Variants in PDE4D observed in about 807,000 individuals in gnomAD.
PDE4D encodes the protein 3',5'-cyclic-AMP phosphodiesterase 4D.
A neutral mutation model predicts 87.4 loss-of-function variants in PDE4D; 24 were observed. The observed-to-expected ratio is 0.27, with a 90% CI of 0.20 to 0.39. The LOEUF is 0.39. PDE4D is among the 10% of genes least tolerant of loss of function. The probability of loss-of-function intolerance (pLI) is 1.00; values close to 1 mark genes in which losing one functional copy is unlikely to be tolerated. For missense variants in PDE4D, 714 were observed against 1,041.0 expected, an observed-to-expected ratio of 0.69 and a Z score of 4.32; for synonymous variants, 384 against 383.2, an observed-to-expected ratio of 1.00 and a Z score of -0.02.
At chr5:60,317,170 T>C (rs537891577) in intron 1 of PDE4D, among the ~76,000 whole-genome samples, 1 of 152,296 alleles carries the variant, frequency 6.6e-6, no homozygotes, top group South Asian at 2.1e-4. Flanking sequence ...TCAGAGTCTG[T>C]TTTTGGTCTA....
chr5:59,514,240 G>A (rs1582934048), intron 1 of PDE4D, among the ~76,000 whole-genome samples: 1 of 151,946 alleles, frequency 6.6e-6, no homozygotes, highest in East Asian at 1.9e-4. Context: ...CGAGTAGCTG[G>A]GACTACAGGC....
chr5:60,512,378 A>G (rs1334766203), intron 1 of PDE4D, among the ~76,000 whole-genome samples: 2 of 152,208 alleles, frequency 1.3e-5, no homozygotes, highest in Admixed American at 1.3e-4. Context: ...CTTAGTCTAT[A>G]TGTAAAACAA....
intron 3 of PDE4D, among the ~76,000 whole-genome samples, chr5:59,953,745 C>T (rs1159377301): frequency 6.6e-6 from 1 of 152,108 alleles, no homozygotes; most frequent in Non-Finnish European, 1.5e-5. Flanking sequence ...ATAAATATGA[C>T]TAAAAAGTAG....
intron 1 of PDE4D, among the ~76,000 whole-genome samples, chr5:59,788,995 C>T (rs1330260512): frequency 6.6e-6 from 1 of 152,192 alleles, no homozygotes; most frequent in Non-Finnish European, 1.5e-5. Context: ...TCTTTAACTT[C>T]AACAGTACAA....
chr5:59,156,331 A>ATATGTGTG (rs1384479557), intron 5 of PDE4D, among the ~76,000 whole-genome samples: 4 of 122,756 alleles, frequency 3.3e-5, no homozygotes, highest in African/African-American at 1.3e-4. Flanking sequence ...ATATATATAT[A>ATATGTGTG]TGTGTGTGTG....
chr5:59,638,531 G>C (rs938403576), intron 1 of PDE4D, among the ~76,000 whole-genome samples: 7 of 152,136 alleles, frequency 4.6e-5, no homozygotes, highest in African/African-American at 1.7e-4. Flanking sequence ...ACATGTTTGA[G>C]AACAAGTAAC....
chr5:59,275,592 G>A (rs1764649868), intron 1 of PDE4D: 1 of 1,366,364 alleles, frequency 7.3e-7, no homozygotes, highest in Non-Finnish European at 9.4e-7. Context: ...ACGCAGGAGC[G>A]CTTTCTTCCT....
At chr5:59,188,565 AAAAT>A (rs1464792537) in intron 3 of PDE4D, among the ~76,000 whole-genome samples, 2 of 152,168 alleles carry the variant, frequency 1.3e-5, no homozygotes, top group African/African-American at 2.4e-5. Context: ...AAAAAAGAGG[AAAAT>A]AAATGGTTTC....
At chr5:59,990,467 A>C (rs565810435) in intron 2 of PDE4D, among the ~76,000 whole-genome samples, 2 of 152,262 alleles carry the variant, frequency 1.3e-5, no homozygotes, top group Admixed American at 6.5e-5. Context: ...GGTGGACTCT[A>C]TCCAACCTTG....
At chr5:59,411,851 AT>A (rs1792742286) in intron 1 of PDE4D, among the ~76,000 whole-genome samples, 1 of 152,250 alleles carries the variant, frequency 6.6e-6, no homozygotes, top group South Asian at 2.1e-4. Context: ...CGCCAAATGT[AT>A]TGCAAGTATT....
chr5:60,480,272 A>G (rs1034220879), intron 1 of PDE4D, among the ~76,000 whole-genome samples: 15 of 152,318 alleles, frequency 9.8e-5, no homozygotes, highest in Non-Finnish European at 4.4e-5. Context: ...CTATCTAGAA[A>G]ATATATTTTG....
intron 1 of PDE4D, among the ~76,000 whole-genome samples, chr5:59,310,922 G>T (rs778448702): frequency 1.3e-5 from 2 of 152,122 alleles, no homozygotes; most frequent in African/African-American, 4.8e-5. Flanking sequence ...TACAGCTGCT[G>T]GCTAGGGATA....
chr5:59,736,434 T>A (rs1265059116), intron 1 of PDE4D, among the ~76,000 whole-genome samples: 3 of 152,136 alleles, frequency 2.0e-5, no homozygotes, highest in African/African-American at 7.2e-5. Context: ...ATCCCAGCAC[T>A]TTGGGAGGCT....
rs1744316181 is a variant in PDE4D, at chr5:60,220,112, G to A, written c.-89-34425C>T. Among the ~76,000 whole-genome samples the A allele has an allele frequency of 2.0e-5, 3 of 152,140 alleles. No individual in the cohort carries two copies. The South Asian group carries it at 6.2e-4, about 32-fold the overall frequency. ...TGCTTCAGGCCTATGTCCTGGGGGT[G>A]TGGAGAAAAAACTCCCAGGTCTCCA... On this transcript the variant is annotated intron_variant, in intron 1 of 16. Transcript: ENST00000502484.
rs78773396 is a variant in PDE4D at position 58,989,747 on chromosome 5, A to G, written c.1452+8T>C. ...TTAGTGTTCTTGAAATTTCAGAAAC[A>G]GATTTACCTCCAAAGCAGGTGTAGA... On this transcript the variant is annotated splice_region_variant and intron_variant, in intron 10 of 14. Coordinates refer to ENST00000340635, the MANE Select transcript of PDE4D (RefSeq NM_001104631.2). 6.7e-3 allele frequency: 10,545 copies of G among 1,573,938 alleles called. 169 individuals carry two copies. Among genetic ancestry groups the G allele is most frequent in the African/African-American group, 0.058 (4,238 of 72,866 alleles).
intron 1 of PDE4D, among the ~76,000 whole-genome samples, chr5:59,732,574 G>A (rs899925527): frequency 1.3e-5 from 2 of 151,970 alleles, no homozygotes; most frequent in Non-Finnish European, 2.9e-5. Flanking sequence ...AAGATCTGAT[G>A]GAAGAAGGAA....
intron 1 of PDE4D, among the ~76,000 whole-genome samples, chr5:59,263,531 A>G (rs959805111): frequency 6.6e-6 from 1 of 152,016 alleles, no homozygotes; most frequent in Non-Finnish European, 1.5e-5. Flanking sequence ...ACAGTTTAAA[A>G]TGCTCAAATA....
intron 1 of PDE4D, among the ~76,000 whole-genome samples, chr5:59,732,786 A>G (rs747022977): frequency 6.6e-6 from 1 of 152,202 alleles, no homozygotes; most frequent in Non-Finnish European, 1.5e-5. Flanking sequence ...ATTTATGCCA[A>G]TGAAATAGGC....
At chr5:59,311,606 C>T (rs541935266) in intron 1 of PDE4D, among the ~76,000 whole-genome samples, 5 of 151,234 alleles carry the variant, frequency 3.3e-5, no homozygotes, top group South Asian at 2.1e-4. Flanking sequence ...AGATAGATAA[C>T]GGTGTCTCCA....
Sources: allele counts gnomAD v4.1 joint callset (sites outside exome capture counted in the v4.1 genomes callset), GRCh38; gene constraint gnomAD v4.1.1; transcripts MANE v1.5; gene names NCBI Gene and HGNC (gene_info 2026-07-23, HGNC 2026-07-21).